The following DPYD variants were observed in gnomAD, a reference collection of about 807,000 sequenced individuals.
DPYD encodes dihydropyrimidine dehydrogenase, also known as dihydropyrimidine dehydrogenase [NADP(+)].
A neutral mutation model predicts 116.2 loss-of-function variants in DPYD; 109 were observed. The observed-to-expected ratio is 0.94, with a 90% CI of 0.80 to 1.10. The LOEUF is 1.10. Ranked by LOEUF, DPYD falls within the 50% of genes least tolerant of loss-of-function variation. DPYD has a pLI of 0.00. For synonymous variants in DPYD, 440 were observed against 432.0 expected (o/e 1.02, Z -0.23); for missense variants, 1,302 against 1,254.5 (o/e 1.04, Z -0.57).
At chr1:97,147,406 G>A (rs1654706325) in intron 20 of DPYD, among the ~76,000 whole-genome samples, 1 of 152,150 alleles carries the variant, frequency 6.6e-6, no homozygotes, top group African/African-American at 2.4e-5. Context: ...ATAGGTTGCA[G>A]GGAGATCACA....
At chr1:97,720,542 C>G in intron 5 of DPYD, 5 of 1,031,378 alleles carry the variant, frequency 4.8e-6, no homozygotes, top group Non-Finnish European at 5.8e-6. Flanking sequence ...TTCCCAGGAG[C>G]TCTTCTTTAG....
rs1390727088 is a variant in DPYD at position 97,595,096 on chromosome 1, T to C, written c.921A>G (p.Lys307=). 6.2e-7 allele frequency: 1 copy of C among 1,613,736 alleles called. No individual in the cohort carries two copies. The highest frequency in any genetic ancestry group is 8.5e-7 in the Non-Finnish European group (1 of 1,179,692). The change falls in exon 9 of 23, where the codon AAA becomes AAG. Residue 307 remains lysine, a synonymous_variant. Coordinates refer to ENST00000370192, the MANE Select transcript of DPYD (RefSeq NM_000110.4). ...CTTTGGCTACAAGTGGCAAAAAGTC[T>C]TTGGATGTATAAAACCCCTGGTCCT... is the stretch of plus-strand genomic sequence containing the variant. ...LTQDQGFYTS[K]DFLPLVAKGS...
chr1:97,778,121 G>A (rs1666520114), intron 3 of DPYD, among the ~76,000 whole-genome samples: 1 of 116,484 alleles, frequency 8.6e-6, no homozygotes, highest in Non-Finnish European at 1.6e-5. Flanking sequence ...CTCCGCCACT[G>A]AACTCCAATC....
intron 6 of DPYD, among the ~76,000 whole-genome samples, chr1:97,695,099 A>C (rs977065108): frequency 1.3e-5 from 2 of 152,150 alleles, no homozygotes; most frequent in Non-Finnish European, 2.9e-5. Context: ...TTGTGATACT[A>C]CAGATTCCAA....
rs565395199 is a variant in DPYD, at chr1:97,431,272, GA to G, written c.1905+18786del. Among the ~76,000 whole-genome samples the G allele has an allele frequency of 7.3e-3, 1,113 of 151,770 alleles. 11 individuals are homozygous for G. Among genetic ancestry groups the G allele is most frequent in the African/African-American group, 0.016 (650 of 41,430 alleles). On this transcript the variant is annotated intron_variant, in intron 14 of 22. Transcript: ENST00000370192. ...TCAATAAATATTGGTAGAATAAAAAGAAAAAAAATGAACAATTTATACAGAA... is the reference window on the plus strand; with the variant it reads ...TCAATAAATATTGGTAGAATAAAAAGAAAAAAATGAACAATTTATACAGAA...
rs535254880 is a variant in DPYD at position 97,090,385 on chromosome 1, T to G, written c.2767-7915A>C. On this transcript the variant is annotated intron_variant, in intron 21 of 22. Transcript: ENST00000370192. ...GTGACCTTAGGAAAGTTATTTAACC[T>G]TTCTGTTTATCAATTGCTTACTCCA... is the stretch of plus-strand genomic sequence containing the variant. Among the ~76,000 whole-genome samples the G allele has an allele frequency of 3.8e-4, 58 of 152,296 alleles. 1 individual carries two copies. The South Asian group carries it at 0.012, about 30-fold the overall frequency.
intron 16 of DPYD, among the ~76,000 whole-genome samples, chr1:97,315,670 T>A (rs1423775390): frequency 6.6e-6 from 1 of 152,004 alleles, no homozygotes; most frequent in Admixed American, 6.6e-5. Context: ...GATATCTTAC[T>A]GAGAGGAATT....
At chr1:97,801,940 A>C (rs2101338156) in intron 3 of DPYD, among the ~76,000 whole-genome samples, 1 of 152,002 alleles carries the variant, frequency 6.6e-6, no homozygotes, top group African/African-American at 2.4e-5. Context: ...TTTCATACAA[A>C]CTTAACATAT....
chr1:97,890,830 G>T (rs1206004390), intron 1 of DPYD, among the ~76,000 whole-genome samples: 1 of 151,814 alleles, frequency 6.6e-6, no homozygotes, highest in Non-Finnish European at 1.5e-5. Flanking sequence ...GTTTATCTAT[G>T]TCAGCATAGC....
chr1:97,574,021 A>C, intron 10 of DPYD, 51 bp from the exon 11 acceptor site: 1 of 1,596,620 alleles, frequency 6.3e-7, no homozygotes. Flanking sequence ...CTTATTCCAC[A>C]CAGTATTTGA....
At chr1:97,578,638 T>G (rs1385754317) in intron 10 of DPYD, among the ~76,000 whole-genome samples, 1 of 152,074 alleles carries the variant, frequency 6.6e-6, no homozygotes, top group African/African-American at 2.4e-5. Context: ...GTAGTATATT[T>G]GAAATAATGA....
chr1:97,674,866 T>C (rs918795532), intron 8 of DPYD, among the ~76,000 whole-genome samples: 4 of 152,214 alleles, frequency 2.6e-5, no homozygotes, highest in African/African-American at 9.6e-5. Flanking sequence ...AGTAATTCAA[T>C]ACTTATTTAA....
chr1:97,222,527 G>A (rs1297200288), intron 19 of DPYD, among the ~76,000 whole-genome samples: 1 of 151,972 alleles, frequency 6.6e-6, no homozygotes, highest in African/African-American at 2.4e-5. Context: ...TATTCTCTTT[G>A]CTTATAAACA....
intron 14 of DPYD, among the ~76,000 whole-genome samples, chr1:97,429,097 C>T (rs1333346750): frequency 6.6e-6 from 1 of 151,954 alleles, no homozygotes; most frequent in African/African-American, 2.4e-5. Flanking sequence ...TAAATTACAA[C>T]ACAAATTATT....
intron 20 of DPYD, among the ~76,000 whole-genome samples, chr1:97,173,944 CAAAGTGTA>C (rs1314406156): frequency 1.3e-5 from 2 of 151,116 alleles, no homozygotes; most frequent in African/African-American, 4.9e-5. Context: ...ACAAAATGCA[CAAAGTGTA>C]CCCAGAGTGA....
At chr1:97,770,385 A>G (rs1204023576) in intron 3 of DPYD, among the ~76,000 whole-genome samples, 1 of 152,230 alleles carries the variant, frequency 6.6e-6, no homozygotes, top group African/African-American at 2.4e-5. Context: ...TCAATAAATT[A>G]ATTCAATAAC....
chr1:97,106,052 C>T (rs980650295), intron 20 of DPYD, among the ~76,000 whole-genome samples: 1 of 151,932 alleles, frequency 6.6e-6, no homozygotes, highest in African/African-American at 2.4e-5. Flanking sequence ...TGTATGGGAA[C>T]ACCAGATATT....
chr1:97,092,085 GTC>G (rs748234119), intron 21 of DPYD, among the ~76,000 whole-genome samples: 4 of 152,104 alleles, frequency 2.6e-5, no homozygotes, highest in Non-Finnish European at 5.9e-5. Context: ...TCCCTGGCCA[GTC>G]TCTCTAGTAA....
intron 3 of DPYD, among the ~76,000 whole-genome samples, chr1:97,819,062 C>T (rs566535875): frequency 6.6e-6 from 1 of 151,874 alleles, no homozygotes; most frequent in East Asian, 1.9e-4. Context: ...CTTTTGATTT[C>T]AAAAAAATCT....
Sources: allele counts gnomAD v4.1 joint callset (sites outside exome capture counted in the v4.1 genomes callset), GRCh38; gene constraint gnomAD v4.1.1; transcripts MANE v1.5; gene names NCBI Gene and HGNC (gene_info 2026-07-23, HGNC 2026-07-21).